ZNF100: variants seen among roughly 807,000 people sequenced by gnomAD.
ZNF100 encodes zinc finger protein 100.
A neutral mutation model predicts 15.8 loss-of-function variants in ZNF100; 12 were observed. The ratio of observed to expected loss-of-function variants is 0.76; its 90% CI spans 0.49 to 1.23. ZNF100 has a LOEUF of 1.23. Among genes scored for constraint, ZNF100 ranks in the 50% most tolerant of loss-of-function variants. ZNF100 has a pLI of 0.00. For missense variants in ZNF100, 670 were observed against 635.6 expected, an observed-to-expected ratio of 1.05 and a Z score of -0.58; for synonymous variants, 226 against 214.8, an observed-to-expected ratio of 1.05 and a Z score of -0.45.
Position 21,727,114 on chromosome 19 carries a change from ATT to A in ZNF100, c.1196_1197del (p.Lys399IlefsTer5), listed in dbSNP as rs760830555. The A allele has an allele frequency of 6.2e-7, 1 of 1,608,402 alleles. No homozygotes were observed. Among genetic ancestry groups the A allele is most frequent in the African/African-American group, 1.4e-5 (1 of 73,530 alleles). On this transcript the variant is annotated frameshift_variant, in exon 5 of 5. Transcript: ENST00000358296. LOFTEE classifies it low-confidence loss of function (END_TRUNC). ...TTGCCGCATTCTTCACATTTGTAGA[ATT>A]TCTCTCCAGTATGACTTGTCTTATG... ...TKHKTSHTGEKFYKCEECGKG... is the reference protein window; with the variant it reads ...TKHKTSHTGEXFYKCEECGKG...
intron 2 of ZNF100, among the ~76,000 whole-genome samples, chr19:21,747,174 A>G (rs995103983): frequency 1.3e-5 from 2 of 152,156 alleles, no homozygotes; most frequent in Admixed American, 6.5e-5. Flanking sequence ...TACCAAACCC[A>G]AACAGAACAG....
Position 21,767,579 on chromosome 19 carries a change from C to A in ZNF100, c.-150G>T. On this transcript the variant is annotated 5_prime_UTR_variant, in exon 1 of 5. Coordinates refer to ENST00000358296, the MANE Select transcript of ZNF100 (RefSeq NM_173531.4). ...CTCCGGCTACAGCGAGAGACAAAGACCCCGCCAAACCCGGAAGCCGTCCAG... is the reference window on the plus strand; with the variant it reads ...CTCCGGCTACAGCGAGAGACAAAGAACCCGCCAAACCCGGAAGCCGTCCAG... 7.9e-7 allele frequency: 1 copy of A among 1,271,772 alleles called. No individual in the cohort carries two copies. Among genetic ancestry groups the A allele is most frequent in the Non-Finnish European group, 1.1e-6 (1 of 918,588 alleles). 78.8% of individuals were successfully genotyped at this position (1,271,772 alleles called of 1,614,324 possible).
At chr19:21,765,415 C>A (rs1199427988) in intron 2 of ZNF100, among the ~76,000 whole-genome samples, 1 of 152,200 alleles carries the variant, frequency 6.6e-6, no homozygotes, top group Non-Finnish European at 1.5e-5. Flanking sequence ...GCCCCAGGTG[C>A]ATTTTACTTT....
chr19:21,767,540 A>G lies in ZNF100; in HGVS notation c.-111T>C, dbSNP rs2036586615. 3 of 1,490,738 alleles carry G rather than the reference A, an allele frequency of 2.0e-6. No homozygotes were observed. The highest frequency in any genetic ancestry group is 2.7e-6 in the Non-Finnish European group (3 of 1,098,780). The allele number at this position is 1,490,738 out of a possible 1,614,324, so 92.3% of individuals were successfully genotyped here. ...GGAGCAGAAGACACAGAGAAGTGAGAGCAAAACCTGGAGCTCCGGCTACAG... is the reference window on the plus strand; with the variant it reads ...GGAGCAGAAGACACAGAGAAGTGAGGGCAAAACCTGGAGCTCCGGCTACAG... On this transcript the variant is annotated 5_prime_UTR_variant, in exon 1 of 5. Coordinates refer to ENST00000358296, the MANE Select transcript of ZNF100 (RefSeq NM_173531.4).
intron 4 of ZNF100, among the ~76,000 whole-genome samples, chr19:21,738,893 C>T (rs2036058599): frequency 6.6e-6 from 1 of 151,930 alleles, no homozygotes; most frequent in Non-Finnish European, 1.5e-5. Flanking sequence ...TGCAGTGAGC[C>T]GTGATGGTAC....
At chr19:21,751,592 G>A in intron 2 of ZNF100, 1 of 1,530,690 alleles carries the variant, frequency 6.5e-7, no homozygotes, top group Non-Finnish European at 9.1e-7. Context: ...GGATGATCAG[G>A]CTGTATGGAA....
intron 4 of ZNF100, among the ~76,000 whole-genome samples, chr19:21,732,279 T>C (rs2035933884): frequency 6.6e-6 from 1 of 152,200 alleles, no homozygotes; most frequent in South Asian, 2.1e-4. Flanking sequence ...TCCCAAAGTG[T>C]TTCTCCCACA....
intron 4 of ZNF100, among the ~76,000 whole-genome samples, chr19:21,735,694 C>G (rs1241128945): frequency 6.6e-6 from 1 of 152,092 alleles, no homozygotes; most frequent in Non-Finnish European, 1.5e-5. Context: ...ATAAAACAGA[C>G]TTTAAACCAA....
chr19:21,725,382 T>C lies in ZNF100; in HGVS notation c.*1301A>G, dbSNP rs1184363939. 2 of 152,166 alleles carry C rather than the reference T, an allele frequency of 1.3e-5. No homozygotes were observed. The highest frequency in any genetic ancestry group is 2.9e-5 in the Non-Finnish European group (2 of 68,008). 9.4% of individuals were successfully genotyped at this position (152,166 alleles called of 1,614,324 possible). On this transcript the variant is annotated 3_prime_UTR_variant, in exon 5 of 5. Transcript: ENST00000358296. Reference sequence around the variant, plus strand: ...AAATATACTAATTTTAATTTACTTATAAATGAAATTAAGTTTTCTCATAAT... The same window carrying C: ...AAATATACTAATTTTAATTTACTTACAAATGAAATTAAGTTTTCTCATAAT...
intron 2 of ZNF100, among the ~76,000 whole-genome samples, chr19:21,761,298 G>A (rs2036480047): frequency 6.6e-6 from 1 of 152,148 alleles, no homozygotes; most frequent in Non-Finnish European, 1.5e-5. Flanking sequence ...GAAAATATTT[G>A]TGAGTATTCT....
chr19:21,735,521 A>G (rs1440403011), intron 4 of ZNF100, among the ~76,000 whole-genome samples: 1 of 137,650 alleles, frequency 7.3e-6, no homozygotes, highest in Non-Finnish European at 1.6e-5. Context: ...AAAAAAAAAA[A>G]GGCACAGAAT....
chr19:21,733,758 A>G (rs1483975926), intron 4 of ZNF100, among the ~76,000 whole-genome samples: 1 of 147,630 alleles, frequency 6.8e-6, no homozygotes, highest in African/African-American at 2.5e-5. Flanking sequence ...TGACTGAGTG[A>G]GGACCACCCC....
chr19:21,747,189 C>T (rs1056707308), intron 2 of ZNF100, among the ~76,000 whole-genome samples: 12 of 152,164 alleles, frequency 7.9e-5, no homozygotes, highest in Admixed American at 6.5e-5. Context: ...GAACAGGTAT[C>T]GTAACCACCC....
intron 4 of ZNF100, among the ~76,000 whole-genome samples, chr19:21,737,584 A>G (rs1264973450): frequency 1.3e-5 from 2 of 152,060 alleles, no homozygotes; most frequent in East Asian, 3.9e-4. Flanking sequence ...CAATCATCAG[A>G]AAATACTATA....
intron 2 of ZNF100, among the ~76,000 whole-genome samples, chr19:21,758,206 T>A (rs1380975520): frequency 6.6e-6 from 1 of 151,792 alleles, no homozygotes; most frequent in Non-Finnish European, 1.5e-5. Context: ...ACCAAATGCA[T>A]GTTATCATTT....
At chr19:21,749,090 T>G (rs948596987) in intron 2 of ZNF100, among the ~76,000 whole-genome samples, 38 of 152,174 alleles carry the variant, frequency 2.5e-4, no homozygotes, top group Non-Finnish European at 5.1e-4. Flanking sequence ...TGTATCCAGT[T>G]GCTAGTCTAG....
intron 3 of ZNF100, 27 bp from the exon 4 acceptor site, chr19:21,744,142 CT>C (rs768195403): frequency 3.5e-5 from 55 of 1,566,212 alleles, no homozygotes; most frequent in Non-Finnish European, 4.4e-5. Flanking sequence ...TAACATGAAT[CT>C]TTCTCATATT....
At chr19:21,761,677 T>C (rs1023167847) in intron 2 of ZNF100, among the ~76,000 whole-genome samples, 2 of 152,238 alleles carry the variant, frequency 1.3e-5, no homozygotes, top group Admixed American at 6.5e-5. Context: ...AACTTTTTTT[T>C]TTTATGTTCA....
At chr19:21,740,912 G>T (rs1365632898) in intron 4 of ZNF100, among the ~76,000 whole-genome samples, 2 of 152,078 alleles carry the variant, frequency 1.3e-5, no homozygotes, top group African/African-American at 4.8e-5. Context: ...CTCCATTAAT[G>T]AATCTATATT....
Sources: allele counts gnomAD v4.1 joint callset (sites outside exome capture counted in the v4.1 genomes callset), GRCh38; gene constraint gnomAD v4.1.1; transcripts MANE v1.5; gene names NCBI Gene and HGNC (gene_info 2026-07-23, HGNC 2026-07-21).